Variants in UTRN observed in about 807,000 individuals in gnomAD.
UTRN encodes utrophin.
Under a neutral mutation model 463.9 loss-of-function variants are expected in UTRN, and 283 were observed. The ratio of observed to expected loss-of-function variants is 0.61; its 90% CI spans 0.55 to 0.67. The LOEUF is 0.67. Ranked by LOEUF, UTRN falls within the 30% of genes least tolerant of loss-of-function variation. The pLI, the probability that UTRN is intolerant of heterozygous loss-of-function variation, is 0.00. For synonymous variants in UTRN, 1,442 were observed against 1,431.5 expected (o/e 1.01, Z -0.17); for missense variants, 3,922 against 4,084.3 (o/e 0.96, Z 1.08).
intron 51 of UTRN, among the ~76,000 whole-genome samples, chr6:144,606,663 G>A (rs1293462249): frequency 3.9e-5 from 6 of 152,126 alleles, no homozygotes; most frequent in Non-Finnish European, 8.8e-5. Context: ...CAACACTCTC[G>A]AATTGGATTC....
chr6:144,444,551 T>A (rs1787482407), intron 14 of UTRN, among the ~76,000 whole-genome samples, 169 bp downstream of exon 14: 1 of 152,214 alleles, frequency 6.6e-6, no homozygotes, highest in Non-Finnish European at 1.5e-5. Flanking sequence ...TCATGAAGCT[T>A]ATTCACAGAG....
At chr6:144,625,915 G>T (rs1775895004) in intron 51 of UTRN, among the ~76,000 whole-genome samples, 1 of 152,026 alleles carries the variant, frequency 6.6e-6, no homozygotes, top group South Asian at 2.1e-4. Context: ...ATAAAGCCTT[G>T]TTCTAAGCTT....
At chr6:144,325,010 C>T (rs917862915) in intron 2 of UTRN, among the ~76,000 whole-genome samples, 1 of 152,180 alleles carries the variant, frequency 6.6e-6, no homozygotes, top group Non-Finnish European at 1.5e-5. Flanking sequence ...TCTTCCTCAC[C>T]TGCACAGGAG....
chr6:144,559,341 G>T (rs1249180474), intron 50 of UTRN, among the ~76,000 whole-genome samples: 1 of 151,964 alleles, frequency 6.6e-6, no homozygotes, highest in Non-Finnish European at 1.5e-5. Flanking sequence ...TTAATATTTA[G>T]ACATGATTTA....
At chr6:144,501,104 A>G (rs1393960578) in intron 34 of UTRN, among the ~76,000 whole-genome samples, 1 of 152,176 alleles carries the variant, frequency 6.6e-6, no homozygotes, top group Non-Finnish European at 1.5e-5. Flanking sequence ...AAGATAGTAG[A>G]CACTGGAAAG....
At chr6:144,382,957 G>A (rs1327729153) in intron 2 of UTRN, among the ~76,000 whole-genome samples, 2 of 152,068 alleles carry the variant, frequency 1.3e-5, no homozygotes, top group African/African-American at 4.8e-5. Flanking sequence ...TATGAGACAG[G>A]TTCTCACTCT....
At chr6:144,592,159 T>G (rs1283900001) in intron 51 of UTRN, among the ~76,000 whole-genome samples, 1 of 152,130 alleles carries the variant, frequency 6.6e-6, no homozygotes, top group Non-Finnish European at 1.5e-5. Flanking sequence ...TTTAAAACAA[T>G]GTAAATAAAA....
intron 22 of UTRN, among the ~76,000 whole-genome samples, 185 bp downstream of exon 22, chr6:144,461,527 AT>A (rs1789410356): frequency 6.6e-6 from 1 of 152,310 alleles, no homozygotes; most frequent in Non-Finnish European, 1.5e-5. Context: ...GTTATTAAAA[AT>A]TTTTTCATAG....
At chr6:144,797,768 G>A in intron 63 of UTRN, 56 bp from the exon 64 acceptor site, 1 of 1,560,290 alleles carries the variant, frequency 6.4e-7, no homozygotes, top group Non-Finnish European at 8.7e-7. Context: ...AACAACACTA[G>A]CTACAGTTTA....
At chr6:144,748,687 G>C (rs1275809167) in intron 55 of UTRN, among the ~76,000 whole-genome samples, 173 bp downstream of exon 55, 3 of 152,080 alleles carry the variant, frequency 2.0e-5, no homozygotes, top group Non-Finnish European at 1.5e-5. Context: ...CCCTCATTGG[G>C]GTTCATTGGA....
chr6:144,594,208 A>T (rs1165346975), intron 51 of UTRN, among the ~76,000 whole-genome samples: 2 of 152,232 alleles, frequency 1.3e-5, no homozygotes, highest in South Asian at 4.1e-4. Flanking sequence ...TCCTTATTTT[A>T]TAAATAGGGA....
At chr6:144,399,138 A>G (rs1782713478) in intron 2 of UTRN, among the ~76,000 whole-genome samples, 1 of 152,150 alleles carries the variant, frequency 6.6e-6, no homozygotes, top group Non-Finnish European at 1.5e-5. Flanking sequence ...AGCAGTCTGT[A>G]TCCTGTTGGC....
chr6:144,596,077 A>C (rs1803612463), intron 51 of UTRN, among the ~76,000 whole-genome samples: 1 of 152,210 alleles, frequency 6.6e-6, no homozygotes, highest in Non-Finnish European at 1.5e-5. Context: ...GCTTGATAGG[A>C]AGCTAGAGAA....
chr6:144,433,304 C>T lies in UTRN; in HGVS notation c.856-2631C>T, dbSNP rs1418712423. 4.7e-5 allele frequency among the ~76,000 whole-genome samples: 7 copies of T among 148,472 alleles called. No individual in the cohort carries two copies. In the East Asian group the frequency reaches 1.0e-3, roughly 22 times the overall value. On this transcript the variant is annotated intron_variant, in intron 9 of 74. Transcript: ENST00000367545. ...TCACCTCCCGGACGGGGCGGCTGGC[C>T]GGGTGGGGGGCTGAACCCCCCACCT... is the stretch of plus-strand genomic sequence containing the variant.
At chr6:144,810,571 T>C (rs9321993) in intron 65 of UTRN, among the ~76,000 whole-genome samples, 25,427 of 151,476 alleles carry the variant, frequency 0.17, 2,632 homozygotes, top group East Asian at 0.45. Flanking sequence ...AAATGTGAAA[T>C]AGAGCAAGGT....
rs141726384 is a variant in UTRN, at chr6:144,457,908, A to G, written c.2285-862A>G. ...ATGTGAAGCCATCCTTTTGGTATGC[A>G]TGTTTTCCTCCGAATAGAAAGATTC... is the stretch of plus-strand genomic sequence containing the variant. On this transcript the variant is annotated intron_variant, in intron 19 of 74. Transcript: ENST00000367545. Among the ~76,000 whole-genome samples the G allele has an allele frequency of 6.1e-3, 930 of 152,256 alleles. 4 individuals are homozygous for G. The highest frequency in any genetic ancestry group is 0.021 in the African/African-American group (892 of 41,558).
At chr6:144,824,027 T>C (rs1779817575) in intron 66 of UTRN, among the ~76,000 whole-genome samples, 1 of 152,134 alleles carries the variant, frequency 6.6e-6, no homozygotes. Flanking sequence ...GGGCTAAGTA[T>C]GATGTGTTTG....
intron 51 of UTRN, among the ~76,000 whole-genome samples, chr6:144,607,465 C>G (rs891862320): frequency 3.3e-5 from 5 of 152,188 alleles, no homozygotes; most frequent in African/African-American, 1.2e-4. Context: ...TCTGAACCAA[C>G]TTTTACCATG....
Position 144,554,752 on chromosome 6 carries a change from T to C in UTRN, c.6993T>C (p.Leu2331=), listed in dbSNP as rs745923773. ...QHGVELRQQQ[L]EDMIIDSLQW... ...GCGTTGAGCTAAGACAGCAGCAGCT[T>C]GAGGACATGATTATTGACAGTCTTC... Residue 2331 remains leucine, a synonymous_variant, in exon 49 of 75, where the codon CTT becomes CTC. Transcript: ENST00000367545. 1.2e-6 allele frequency: 2 copies of C among 1,613,874 alleles called. No individual in the cohort carries two copies.
Sources: allele counts gnomAD v4.1 joint callset (sites outside exome capture counted in the v4.1 genomes callset), GRCh38; gene constraint gnomAD v4.1.1; transcripts MANE v1.5; gene names NCBI Gene and HGNC (gene_info 2026-07-23, HGNC 2026-07-21).